Variants in PIK3CA observed in about 807,000 individuals in gnomAD.
The protein encoded by PIK3CA is phosphatidylinositol-4,5-bisphosphate 3-kinase catalytic subunit alpha, also known as phosphatidylinositol 4,5-bisphosphate 3-kinase catalytic subunit alpha isoform.
In PIK3CA, 27 loss-of-function variants were observed where a neutral mutation model predicts 138.2. That is an observed-to-expected ratio of 0.20 (90% CI 0.14 to 0.27). PIK3CA has a LOEUF of 0.27. PIK3CA is among the 10% of genes least tolerant of loss of function. The pLI is 1.00. For synonymous variants in PIK3CA, 358 were observed against 413.2 expected (o/e 0.87, Z 1.62); for missense variants, 544 against 1,277.4 (o/e 0.43, Z 8.75).
intron 1 of PIK3CA, among the ~76,000 whole-genome samples, chr3:179,193,999 T>A (rs1362462556): frequency 1.3e-5 from 2 of 152,200 alleles, no homozygotes; most frequent in Non-Finnish European, 2.9e-5. Context: ...TATTTAATTT[T>A]TTCTGTAGTC....
At position 179,237,435 on chromosome 3, in the gene PIK3CA, A is replaced by G. The variant is rs552609991; in HGVS notation, c.*3071A>G. 8.0e-5 allele frequency: 16 copies of G among 199,892 alleles called. No individual in the cohort carries two copies. The South Asian group carries it at 2.7e-3, about 33-fold the overall frequency. The allele number at this position is 199,892 out of a possible 1,614,324, so 12.4% of individuals were successfully genotyped here. A position where few individuals can be genotyped will look rare whatever the true frequency, so the allele number is the denominator to read the frequency against. On this transcript the variant is annotated 3_prime_UTR_variant, in exon 21 of 21. Transcript: ENST00000263967. ...TGAATTGTAAAATATTTTAATGTGTAACTTTTTCAACTGTGAAACTGACTT... is the reference window on the plus strand; with the variant it reads ...TGAATTGTAAAATATTTTAATGTGTGACTTTTTCAACTGTGAAACTGACTT...
chr3:179,188,479 G>T (rs1724048560), intron 1 of PIK3CA, among the ~76,000 whole-genome samples: 1 of 152,200 alleles, frequency 6.6e-6, no homozygotes, highest in South Asian at 2.1e-4. Context: ...ATTTGGAATA[G>T]TAGTCATTCT....
intron 1 of PIK3CA, among the ~76,000 whole-genome samples, chr3:179,186,493 G>C (rs1259099388): frequency 6.6e-6 from 1 of 152,194 alleles, no homozygotes; most frequent in Non-Finnish European, 1.5e-5. Context: ...AAGTTGAAAA[G>C]TAGAGCCCTT....
At position 179,199,947 on chromosome 3, in the gene PIK3CA, C is replaced by T. The variant is rs771636821; in HGVS notation, c.562+48C>T. ...CTAATCATTACTATAGTGCAGTCTTCTACCTGTGTCTATATCTTTGTATAG... is the reference window on the plus strand; with the variant it reads ...CTAATCATTACTATAGTGCAGTCTTTTACCTGTGTCTATATCTTTGTATAG... On this transcript the variant is annotated intron_variant, in intron 3 of 20. Transcript: ENST00000263967. 43 of 1,122,930 alleles carry T rather than the reference C, an allele frequency of 3.8e-5. No individual in the cohort carries two copies. In the East Asian group the frequency reaches 1.0e-3, roughly 26 times the overall value. 69.6% of individuals were successfully genotyped at this position (1,122,930 alleles called of 1,614,324 possible).
At chr3:179,214,655 G>A (rs1032724021) in intron 9 of PIK3CA, among the ~76,000 whole-genome samples, 2 of 152,190 alleles carry the variant, frequency 1.3e-5, no homozygotes, top group African/African-American at 4.8e-5. Context: ...AATAGTGCCA[G>A]GAGACTTCCT....
chr3:179,216,052 G>C (rs532696712), intron 9 of PIK3CA, among the ~76,000 whole-genome samples: 223 of 152,218 alleles, frequency 1.5e-3, no homozygotes, highest in Non-Finnish European at 2.9e-3. Context: ...CAAGGTTCCT[G>C]GGTGGTCAAG....
intron 6 of PIK3CA, among the ~76,000 whole-genome samples, chr3:179,204,795 G>T (rs898453712): frequency 6.6e-6 from 1 of 151,942 alleles, no homozygotes; most frequent in African/African-American, 2.4e-5. Flanking sequence ...GCTGAGGCGG[G>T]TGGATCACGA....
intron 1 of PIK3CA, among the ~76,000 whole-genome samples, chr3:179,157,120 G>T (rs1221915604): frequency 6.6e-6 from 1 of 152,084 alleles, no homozygotes; most frequent in Non-Finnish European, 1.5e-5. Context: ...ATACATGACA[G>T]CAGGGAAAGG....
chr3:179,217,313 C>A (rs1448558834), intron 9 of PIK3CA, among the ~76,000 whole-genome samples: 3 of 152,060 alleles, frequency 2.0e-5, no homozygotes, highest in Admixed American at 6.6e-5. Context: ...TATTTGATTT[C>A]CCACTATAAC....
chr3:179,183,362 T>A (rs1269087969), intron 1 of PIK3CA, among the ~76,000 whole-genome samples: 1 of 152,178 alleles, frequency 6.6e-6, no homozygotes, highest in African/African-American at 2.4e-5. Context: ...TGTCGTAACA[T>A]CCCAGATAGA....
chr3:179,178,303 A>G (rs1461743063), intron 1 of PIK3CA, among the ~76,000 whole-genome samples: 2 of 151,528 alleles, frequency 1.3e-5, no homozygotes, highest in African/African-American at 2.4e-5. Context: ...CATTTAAAAA[A>G]TTATGAACTA....
chr3:179,160,437 T>A (rs1024636029), intron 1 of PIK3CA, among the ~76,000 whole-genome samples: 2 of 152,226 alleles, frequency 1.3e-5, no homozygotes, highest in African/African-American at 4.8e-5. Context: ...AGACATGTAA[T>A]GTTCATACAA....
chr3:179,209,219 T>C (rs79617221), intron 6 of PIK3CA, among the ~76,000 whole-genome samples: 5,172 of 151,972 alleles, frequency 0.034, 99 homozygotes, highest in Non-Finnish European at 0.046. Context: ...AGGGAATACA[T>C]ATGCTCACTT....
At chr3:179,223,048 T>C (rs1020866859) in intron 14 of PIK3CA, among the ~76,000 whole-genome samples, 7 of 152,168 alleles carry the variant, frequency 4.6e-5, no homozygotes, top group Admixed American at 1.3e-4. Context: ...ATTGCAGTCA[T>C]AGAAACAAGA....
chr3:179,233,265 G>A (rs1156411585), intron 20 of PIK3CA: 4 of 398,152 alleles, frequency 1.0e-5, no homozygotes, highest in Middle Eastern at 6.2e-4. Context: ...GGATGCCAAT[G>A]TGGGCTTCCT....
At chr3:179,150,479 G>C (rs1010892623) in intron 1 of PIK3CA, among the ~76,000 whole-genome samples, 1 of 152,142 alleles carries the variant, frequency 6.6e-6, no homozygotes, top group Non-Finnish European at 1.5e-5. Flanking sequence ...TGTAAATATA[G>C]AAGAGTGTTT....
intron 16 of PIK3CA, 70 bp from the exon 17 acceptor site, chr3:179,225,892 C>A: frequency 1.3e-6 from 1 of 744,170 alleles, no homozygotes; most frequent in Admixed American, 1.9e-5. Flanking sequence ...ATTTGAAAAC[C>A]ATGTGATGGC....
chr3:179,160,818 T>C (rs984497349), intron 1 of PIK3CA, among the ~76,000 whole-genome samples: 1 of 152,250 alleles, frequency 6.6e-6, no homozygotes, highest in Non-Finnish European at 1.5e-5. Flanking sequence ...ATGTCGATTC[T>C]GTACAATCAT....
At chr3:179,174,450 C>A (rs1723645385) in intron 1 of PIK3CA, among the ~76,000 whole-genome samples, 1 of 152,152 alleles carries the variant, frequency 6.6e-6, no homozygotes, top group Admixed American at 6.5e-5. Flanking sequence ...CTAGCCTGAG[C>A]AGCAGAGCTA....
Sources: allele counts gnomAD v4.1 joint callset (sites outside exome capture counted in the v4.1 genomes callset), GRCh38; gene constraint gnomAD v4.1.1; transcripts MANE v1.5; gene names NCBI Gene and HGNC (gene_info 2026-07-23, HGNC 2026-07-21).